EPHB1: variants seen among roughly 807,000 people sequenced by gnomAD.
The protein encoded by EPHB1 is ephrin type-B receptor 1.
EPHB1 carries 30 observed loss-of-function variants against 94.4 expected under a neutral mutation model. The observed-to-expected ratio is 0.32, with a 90% CI of 0.24 to 0.43. The LOEUF is 0.43. Among genes scored for constraint, EPHB1 ranks in the 20% least tolerant of loss-of-function variants. The pLI, the probability that EPHB1 is intolerant of heterozygous loss-of-function variation, is 1.00. For synonymous variants in EPHB1, 522 were observed against 489.1 expected, an observed-to-expected ratio of 1.07 and a Z score of -0.89; for missense variants, 1,055 against 1,308.3, an observed-to-expected ratio of 0.81 and a Z score of 2.99.
intron 3 of EPHB1, among the ~76,000 whole-genome samples, chr3:135,099,297 TTGGA>T (rs1194942230): frequency 7.0e-6 from 1 of 143,860 alleles, no homozygotes; most frequent in Non-Finnish European, 1.5e-5. Context: ...AACTAGTACA[TTGGA>T]TGGATGGATG....
At chr3:134,841,550 G>C (rs2036777630) in intron 1 of EPHB1, 1 of 152,204 alleles carries the variant, frequency 6.6e-6, no homozygotes, top group Non-Finnish European at 1.5e-5. Flanking sequence ...TCATAAAAAG[G>C]TTTCCTCTAT....
Position 134,952,568 on chromosome 3 carries a change from C to T in EPHB1, c.805+516C>T, listed in dbSNP as rs564727022. ...ACAGCACTCAACTTGGTACTGAACC[C>T]GTGTAGCTCATTAACTCAAAGCCCT... On this transcript the variant is annotated intron_variant, in intron 3 of 15. Coordinates refer to ENST00000398015, the MANE Select transcript of EPHB1 (RefSeq NM_004441.5). 7.2e-5 allele frequency among the ~76,000 whole-genome samples: 11 copies of T among 152,216 alleles called. No individual in the cohort carries two copies. The East Asian group carries it at 1.4e-3, about 19-fold the overall frequency.
intron 1 of EPHB1, among the ~76,000 whole-genome samples, chr3:134,919,581 TG>T (rs2038637631): frequency 1.3e-5 from 2 of 152,122 alleles, no homozygotes; most frequent in South Asian, 4.1e-4. Flanking sequence ...GGGCTCCTGT[TG>T]CAAGGGCTGA....
Position 135,243,549 on chromosome 3 carries a change from G to A in EPHB1, c.2496+2252G>A, listed in dbSNP as rs77312341. Among the ~76,000 whole-genome samples the A allele has an allele frequency of 2.0e-3, 311 of 152,286 alleles. 1 individual carries two copies. The highest frequency in any genetic ancestry group is 0.02 in the East Asian group (102 of 5,188). ...TGTCTCAAGTGCAGTTTTGCTCCTC[G>A]TGGGAGGCAAGAGGTGACTTCATGC... On this transcript the variant is annotated intron_variant, in intron 13 of 15. Coordinates refer to ENST00000398015, the MANE Select transcript of EPHB1 (RefSeq NM_004441.5).
chr3:134,795,563 CCTGGGACGCGGCGCTCTCCCGGCGCT>C lies in EPHB1; in HGVS notation c.-68_-43del. On this transcript the variant is annotated 5_prime_UTR_variant, in exon 1 of 16. Transcript: ENST00000398015. Reference sequence around the variant, plus strand: ...CCACCCGCGGAGAGCGCAGCGGCGCCCTGGGACGCGGCGCTCTCCCGGCGCTGCTGCCTCGGCTTGGTCTCGGCCTG... The same window carrying C: ...CCACCCGCGGAGAGCGCAGCGGCGCCGCTGCCTCGGCTTGGTCTCGGCCTG... 6.7e-7 allele frequency: 1 copy of C among 1,494,208 alleles called. No homozygotes were observed. The highest frequency in any genetic ancestry group is 9.2e-7 in the Non-Finnish European group (1 of 1,087,082). The allele number at this position is 1,494,208 out of a possible 1,614,324, so 92.6% of individuals were successfully genotyped here.
chr3:134,993,609 G>A (rs1295258797), intron 3 of EPHB1, among the ~76,000 whole-genome samples: 1 of 152,214 alleles, frequency 6.6e-6, no homozygotes, highest in Non-Finnish European at 1.5e-5. Flanking sequence ...GGGATGTACA[G>A]TGTTGGCCTG....
At chr3:135,061,550 C>T (rs756260077) in intron 3 of EPHB1, among the ~76,000 whole-genome samples, 1 of 151,922 alleles carries the variant, frequency 6.6e-6, no homozygotes, top group Non-Finnish European at 1.5e-5. Flanking sequence ...TAATTCATTC[C>T]TTTTTTATGG....
intron 3 of EPHB1, among the ~76,000 whole-genome samples, chr3:135,001,628 C>T (rs766117409): frequency 1.3e-5 from 2 of 152,264 alleles, no homozygotes; most frequent in South Asian, 2.1e-4. Context: ...ACCACTCTCA[C>T]TGGCTTTTGT....
chr3:134,920,481 C>G (rs868488214), intron 1 of EPHB1, among the ~76,000 whole-genome samples: 14 of 152,162 alleles, frequency 9.2e-5, no homozygotes, highest in Admixed American at 5.9e-4. Context: ...CTTGAAAGGT[C>G]TGTGGACTTG....
chr3:134,850,350 G>A (rs2036955201), intron 1 of EPHB1, among the ~76,000 whole-genome samples: 1 of 152,178 alleles, frequency 6.6e-6, no homozygotes, highest in Non-Finnish European at 1.5e-5. Flanking sequence ...GAGAGGAGAG[G>A]TGGCCTTAGT....
intron 10 of EPHB1, among the ~76,000 whole-genome samples, chr3:135,190,526 T>A (rs1576457572): frequency 6.9e-6 from 1 of 145,082 alleles, no homozygotes; most frequent in Non-Finnish European, 1.5e-5. Context: ...CATATATACA[T>A]GCATACATAT....
At chr3:134,948,476 G>A (rs1286003993) in intron 2 of EPHB1, among the ~76,000 whole-genome samples, 2 of 151,958 alleles carry the variant, frequency 1.3e-5, no homozygotes, top group Admixed American at 6.6e-5. Flanking sequence ...AAAAAAAATA[G>A]GCAAGCAGAA....
At chr3:135,043,525 C>A (rs1249908435) in intron 3 of EPHB1, among the ~76,000 whole-genome samples, 1 of 152,090 alleles carries the variant, frequency 6.6e-6, no homozygotes, top group Non-Finnish European at 1.5e-5. Context: ...TTCTCTCTTC[C>A]TCCCTATACC....
chr3:135,084,028 C>T (rs999421386), intron 3 of EPHB1, among the ~76,000 whole-genome samples: 17 of 152,120 alleles, frequency 1.1e-4, no homozygotes, highest in African/African-American at 4.1e-4. Flanking sequence ...GGAGTTGGCT[C>T]TCCCTCTGCC....
chr3:135,173,325 C>T (rs562578591), intron 9 of EPHB1, among the ~76,000 whole-genome samples: 11 of 152,312 alleles, frequency 7.2e-5, no homozygotes, highest in South Asian at 2.1e-4. Flanking sequence ...TGAGCCACCG[C>T]GCCCGGCCTG....
At chr3:135,220,138 A>G (rs765206010) in intron 12 of EPHB1, among the ~76,000 whole-genome samples, 8 of 152,174 alleles carry the variant, frequency 5.3e-5, no homozygotes, top group Non-Finnish European at 1.0e-4. Flanking sequence ...TAGTCAAGAA[A>G]CTCATCCAGT....
At chr3:135,177,499 C>T (rs1942015725) in intron 9 of EPHB1, among the ~76,000 whole-genome samples, 1 of 152,200 alleles carries the variant, frequency 6.6e-6, no homozygotes, top group Non-Finnish European at 1.5e-5. Flanking sequence ...AATATCACAG[C>T]TCCCTTGACC....
chr3:135,122,024 C>A (rs944275151), intron 4 of EPHB1, among the ~76,000 whole-genome samples: 1 of 152,034 alleles, frequency 6.6e-6, no homozygotes. Context: ...AATGCCTGGC[C>A]ATCTCCAGGC....
chr3:135,033,783 C>T (rs985247844), intron 3 of EPHB1, among the ~76,000 whole-genome samples: 3 of 152,156 alleles, frequency 2.0e-5, no homozygotes, highest in Admixed American at 6.5e-5. Flanking sequence ...AAGACTAATA[C>T]GTTAGCTCTT....
Sources: allele counts gnomAD v4.1 joint callset (sites outside exome capture counted in the v4.1 genomes callset), GRCh38; gene constraint gnomAD v4.1.1; transcripts MANE v1.5; gene names NCBI Gene and HGNC (gene_info 2026-07-23, HGNC 2026-07-21).